Variants in ADAMTS20 observed in about 807,000 individuals in gnomAD.
ADAMTS20 encodes the protein ADAM metallopeptidase with thrombospondin type 1 motif 20.
Under a neutral mutation model 260.1 loss-of-function variants are expected in ADAMTS20, and 225 were observed. The observed-to-expected ratio is 0.87, with a 90% CI of 0.78 to 0.97. The LOEUF is 0.97. ADAMTS20 is among the 50% of genes least tolerant of loss of function. ADAMTS20 has a pLI of 0.00. For synonymous variants in ADAMTS20, 802 were observed against 769.5 expected, an observed-to-expected ratio of 1.04 and a Z score of -0.70; for missense variants, 2,400 against 2,337.7, an observed-to-expected ratio of 1.03 and a Z score of -0.55.
intron 2 of ADAMTS20, among the ~76,000 whole-genome samples, chr12:43,536,503 CAATAAAA>C (rs71769971): frequency 0.32 from 48,853 of 151,408 alleles, 9,024 homozygotes; most frequent in Non-Finnish European, 0.42. Flanking sequence ...GCAATAAGTG[CAATAAAA>C]AATAAAATAA....
chr12:43,433,416 C>T (rs1941487121), intron 19 of ADAMTS20, among the ~76,000 whole-genome samples: 1 of 152,176 alleles, frequency 6.6e-6, no homozygotes, highest in Non-Finnish European at 1.5e-5. Context: ...TCACAGAATT[C>T]ATTTCCGTCC....
At chr12:43,431,273 A>G in intron 22 of ADAMTS20, 59 bp downstream of exon 22, 1 of 1,545,934 alleles carries the variant, frequency 6.5e-7, no homozygotes, top group Non-Finnish European at 8.8e-7. Context: ...ATATAACACA[A>G]CTTTTGTGCT....
intron 3 of ADAMTS20, among the ~76,000 whole-genome samples, chr12:43,520,918 T>TA (rs909388161): frequency 2.0e-5 from 3 of 152,130 alleles, no homozygotes; most frequent in African/African-American, 7.2e-5. Context: ...TTTTCCACTT[T>TA]AAAAAAAGAA....
intron 3 of ADAMTS20, among the ~76,000 whole-genome samples, chr12:43,510,202 T>G (rs934326649): frequency 6.6e-6 from 1 of 152,064 alleles, no homozygotes; most frequent in Admixed American, 6.6e-5. Flanking sequence ...AAAAACAAAC[T>G]CTTCCAAATA....
intron 28 of ADAMTS20, among the ~76,000 whole-genome samples, chr12:43,416,345 A>C (rs1029482326): frequency 1.1e-4 from 14 of 129,942 alleles, no homozygotes; most frequent in Non-Finnish European, 2.4e-4. Flanking sequence ...TTTGACACCC[A>C]GTCCAAAAAA....
At chr12:43,470,371 A>G (rs2137390974) in intron 7 of ADAMTS20, among the ~76,000 whole-genome samples, 1 of 152,344 alleles carries the variant, frequency 6.6e-6, no homozygotes. Flanking sequence ...AAAGGTATAT[A>G]CATTTTAAAC....
chr12:43,493,602 T>G (rs1942637620), intron 4 of ADAMTS20, among the ~76,000 whole-genome samples: 1 of 152,218 alleles, frequency 6.6e-6, no homozygotes, highest in Admixed American at 6.5e-5. Context: ...GTCTGCACTT[T>G]AACAAGATGT....
intron 2 of ADAMTS20, 44 bp from the exon 3 acceptor site, chr12:43,532,239 C>T (rs746613635): frequency 6.5e-7 from 1 of 1,541,770 alleles, no homozygotes; most frequent in South Asian, 1.2e-5. Flanking sequence ...TAACAGTCGC[C>T]AAGAAGAAAA....
chr12:43,446,447 T>G (rs1388592370), intron 15 of ADAMTS20, 148 bp downstream of exon 15: 4 of 560,088 alleles, frequency 7.1e-6, no homozygotes, highest in Non-Finnish European at 1.2e-5. Flanking sequence ...AATTTTTTTA[T>G]ATTTAGGAAA....
At chr12:43,440,968 G>A (rs1941653157) in intron 16 of ADAMTS20, among the ~76,000 whole-genome samples, 1 of 151,966 alleles carries the variant, frequency 6.6e-6, no homozygotes, top group African/African-American at 2.4e-5. Flanking sequence ...CGGAGGCTGA[G>A]GCAGGAGAAT....
chr12:43,463,827 A>C (rs1034874787), intron 10 of ADAMTS20, among the ~76,000 whole-genome samples: 1 of 152,150 alleles, frequency 6.6e-6, no homozygotes, highest in Non-Finnish European at 1.5e-5. Context: ...ATAGATATTT[A>C]TTTTAATGAC....
chr12:43,403,529 C>G (rs1309210871), intron 28 of ADAMTS20, among the ~76,000 whole-genome samples: 1 of 152,010 alleles, frequency 6.6e-6, no homozygotes, highest in East Asian at 1.9e-4. Context: ...AACTATTACA[C>G]TAGTCATGCA....
At chr12:43,455,367 C>A (rs896169721) in intron 11 of ADAMTS20, among the ~76,000 whole-genome samples, 2 of 152,126 alleles carry the variant, frequency 1.3e-5, no homozygotes, top group African/African-American at 4.8e-5. Flanking sequence ...GGTCAAGGTA[C>A]CGGCAGGTTT....
intron 7 of ADAMTS20, among the ~76,000 whole-genome samples, chr12:43,480,970 C>CA (rs969165883): frequency 3.4e-4 from 52 of 150,804 alleles, no homozygotes; most frequent in Admixed American, 3.3e-3. Flanking sequence ...GATGTCTCAC[C>CA]AAAAAAAAGA....
chr12:43,370,729 C>T (rs528174181), intron 36 of ADAMTS20, among the ~76,000 whole-genome samples: 1 of 152,250 alleles, frequency 6.6e-6, no homozygotes, highest in South Asian at 2.1e-4. Context: ...AATTTATTTG[C>T]CCTGCTCTAT....
intron 18 of ADAMTS20, among the ~76,000 whole-genome samples, chr12:43,435,977 C>T (rs1328877978): frequency 6.6e-6 from 1 of 152,076 alleles, no homozygotes; most frequent in Admixed American, 6.5e-5. Flanking sequence ...CAACTTTGTG[C>T]TTCCAGTTAA....
intron 3 of ADAMTS20, among the ~76,000 whole-genome samples, chr12:43,525,733 A>G (rs1406318623): frequency 6.6e-6 from 1 of 152,218 alleles, no homozygotes; most frequent in East Asian, 1.9e-4. Context: ...CTTATATCAG[A>G]TAAAACAGAC....
chr12:43,395,547 A>G (rs1329263039), intron 29 of ADAMTS20, among the ~76,000 whole-genome samples: 1 of 151,942 alleles, frequency 6.6e-6, no homozygotes, highest in African/African-American at 2.4e-5. Context: ...GGATTTTGGA[A>G]TTTATATCAC....
chr12:43,487,258 G>A (rs1434737453), intron 7 of ADAMTS20, among the ~76,000 whole-genome samples: 1 of 152,118 alleles, frequency 6.6e-6, no homozygotes, highest in African/African-American at 2.4e-5. Context: ...ATGAAATAAT[G>A]TCCTTTGTAG....
Sources: allele counts gnomAD v4.1 joint callset (sites outside exome capture counted in the v4.1 genomes callset), GRCh38; gene constraint gnomAD v4.1.1; transcripts MANE v1.5; gene names NCBI Gene and HGNC (gene_info 2026-07-23, HGNC 2026-07-21).